ANO10: variants seen among roughly 807,000 people sequenced by gnomAD.
The protein encoded by ANO10 is anoctamin-10.
Under a neutral mutation model 74.7 loss-of-function variants are expected in ANO10, and 77 were observed. That is an observed-to-expected ratio of 1.03 (90% CI 0.86 to 1.25). The LOEUF (loss-of-function observed/expected upper bound fraction) is 1.25. ANO10 is among the 50% of genes most tolerant of loss of function. ANO10 has a pLI of 0.00. For missense variants in ANO10, 721 were observed against 778.1 expected (o/e 0.93, Z 0.87); for synonymous variants, 279 against 284.9 (o/e 0.98, Z 0.21).
At chr3:43,376,796 T>C (rs1257458588) in intron 12 of ANO10, among the ~76,000 whole-genome samples, 1 of 152,240 alleles carries the variant, frequency 6.6e-6, no homozygotes, top group Admixed American at 6.5e-5. Flanking sequence ...CTAGTTTCAC[T>C]GTAACTAGAT....
At chr3:43,553,499 G>A (rs1407817305) in intron 10 of ANO10, among the ~76,000 whole-genome samples, 1 of 151,098 alleles carries the variant, frequency 6.6e-6, no homozygotes, top group East Asian at 1.9e-4. Flanking sequence ...TGTGCTTACA[G>A]AATATTTTCT....
rs367784953 is a variant in ANO10 at position 43,565,732 on chromosome 3, CAAAAAAAA to C, written c.1219-13_1219-6del. On this transcript the variant is annotated splice_region_variant and splice_polypyrimidine_tract_variant and intron_variant, in intron 7 of 12. Transcript: ENST00000292246. ...AAAGCAATTGAGGAAGTTGAACTGC[CAAAAAAAA>C]AAAAAAAAAAGATAAGTGTTAAGCA... 3.1e-6 allele frequency: 4 copies of C among 1,276,112 alleles called. No individual in the cohort carries two copies. The highest frequency in any genetic ancestry group is 4.1e-6 in the Non-Finnish European group (4 of 973,714). 79.0% of individuals were successfully genotyped at this position (1,276,112 alleles called of 1,614,324 possible). A position where few individuals can be genotyped will look rare whatever the true frequency, so the allele number is the denominator to read the frequency against.
chr3:43,444,789 G>A (rs1012107830), intron 11 of ANO10, among the ~76,000 whole-genome samples: 5 of 152,110 alleles, frequency 3.3e-5, no homozygotes, highest in African/African-American at 1.2e-4. Flanking sequence ...CTAAATATAT[G>A]TCAGAGTTAG....
In ANO10 at chr3:43,414,087, T is replaced by C. The variant is rs116202298; in HGVS notation, c.1914+18524A>G. Among the ~76,000 whole-genome samples the C allele has an allele frequency of 2.9e-3, 447 of 152,164 alleles. 2 individuals are homozygous for C. Among genetic ancestry groups the C allele is most frequent in the African/African-American group, 0.01 (429 of 41,518 alleles). Reference sequence around the variant, plus strand: ...TAGAACCACCAGAATAAAGAAAGGATGCATGAGCACCAGCAAAGATAAACA... The same window carrying C: ...TAGAACCACCAGAATAAAGAAAGGACGCATGAGCACCAGCAAAGATAAACA... On this transcript the variant is annotated intron_variant, in intron 12 of 12. Transcript: ENST00000292246.
chr3:43,371,964 A>G (rs2091627317), intron 12 of ANO10, among the ~76,000 whole-genome samples: 1 of 152,238 alleles, frequency 6.6e-6, no homozygotes, highest in Non-Finnish European at 1.5e-5. Flanking sequence ...ATAAGGCTCT[A>G]AACAGCCACG....
intron 12 of ANO10, among the ~76,000 whole-genome samples, chr3:43,394,514 C>T (rs921234988): frequency 6.6e-6 from 1 of 152,150 alleles, no homozygotes; most frequent in African/African-American, 2.4e-5. Flanking sequence ...TGTTTAATCT[C>T]CTCTAAAGAG....
chr3:43,378,829 G>A (rs969888528), intron 12 of ANO10, among the ~76,000 whole-genome samples: 1 of 152,050 alleles, frequency 6.6e-6, no homozygotes, highest in Non-Finnish European at 1.5e-5. Context: ...TTTTGTGTAG[G>A]AACAACACAG....
chr3:43,448,675 T>C (rs1461876695), intron 11 of ANO10, among the ~76,000 whole-genome samples: 1 of 152,224 alleles, frequency 6.6e-6, no homozygotes, highest in African/African-American at 2.4e-5. Flanking sequence ...GGTTTGTGTA[T>C]GGACATAAGT....
At chr3:43,454,149 G>A (rs1261685330) in intron 11 of ANO10, among the ~76,000 whole-genome samples, 1 of 152,194 alleles carries the variant, frequency 6.6e-6, no homozygotes, top group African/African-American at 2.4e-5. Flanking sequence ...GTTGGGTCAG[G>A]GGAAAGGCAA....
At chr3:43,587,252 T>C (rs2081520703) in intron 4 of ANO10, among the ~76,000 whole-genome samples, 2 of 152,060 alleles carry the variant, frequency 1.3e-5, no homozygotes, top group South Asian at 4.1e-4. Context: ...AAAGTACCTA[T>C]AACATATGCC....
At chr3:43,427,958 G>A (rs2092922360) in intron 12 of ANO10, among the ~76,000 whole-genome samples, 1 of 152,118 alleles carries the variant, frequency 6.6e-6, no homozygotes, top group African/African-American at 2.4e-5. Flanking sequence ...GGTGGCCCAT[G>A]TAGCAGTGTC....
intron 7 of ANO10, among the ~76,000 whole-genome samples, chr3:43,573,807 C>CA (rs1175306155): frequency 2.0e-5 from 3 of 151,934 alleles, no homozygotes; most frequent in African/African-American, 4.8e-5. Flanking sequence ...GGAAATCTAA[C>CA]AAAAAAAATT....
chr3:43,529,936 A>T (rs1161019316), intron 11 of ANO10, among the ~76,000 whole-genome samples: 1 of 152,190 alleles, frequency 6.6e-6, no homozygotes, highest in Non-Finnish European at 1.5e-5. Context: ...CATATTCTGC[A>T]TCTCAATTAA....
chr3:43,367,039 T>C, intron 12 of ANO10, 65 bp from the exon 13 acceptor site: 2 of 1,482,944 alleles, frequency 1.3e-6, no homozygotes, highest in Non-Finnish European at 9.2e-7. Flanking sequence ...AGGCCTCTGC[T>C]CTCTGTGGAA....
chr3:43,587,759 T>A (rs796550470), intron 4 of ANO10, among the ~76,000 whole-genome samples: 1 of 151,706 alleles, frequency 6.6e-6, no homozygotes, highest in South Asian at 2.1e-4. Context: ...CACAGTAATA[T>A]CCTCAATATT....
chr3:43,546,477 A>T (rs1272179882), intron 11 of ANO10, among the ~76,000 whole-genome samples: 2 of 152,232 alleles, frequency 1.3e-5, no homozygotes, highest in African/African-American at 4.8e-5. Flanking sequence ...AACTTTGCAT[A>T]TACAGTCAAA....
chr3:43,558,777 T>C (rs933030082), intron 9 of ANO10, among the ~76,000 whole-genome samples: 2 of 152,154 alleles, frequency 1.3e-5, no homozygotes, highest in Non-Finnish European at 2.9e-5. Flanking sequence ...GATCCAAAAG[T>C]ATCCCCGCCT....
chr3:43,372,778 T>C lies in ANO10; in HGVS notation c.1915-5804A>G, dbSNP rs1025765497. ...GGCCATGACTAGACCCCAGGACCTA[T>C]GACAGTGCCTGGCACTGAGTTGGTG... On this transcript the variant is annotated intron_variant, in intron 12 of 12. Transcript: ENST00000292246. The C allele has an allele frequency of 5.5e-6, 8 of 1,450,764 alleles. No individual in the cohort carries two copies. In the African/African-American group the frequency reaches 8.4e-5, roughly 15 times the overall value. The allele number at this position is 1,450,764 out of a possible 1,614,324, so 89.9% of individuals were successfully genotyped here. A position where few individuals can be genotyped will look rare whatever the true frequency, so the allele number is the denominator to read the frequency against.
chr3:43,681,397 C>A (rs2149582139), intron 1 of ANO10, among the ~76,000 whole-genome samples: 1 of 152,250 alleles, frequency 6.6e-6, no homozygotes, highest in African/African-American at 2.4e-5. Flanking sequence ...AATATATATG[C>A]ACCCAATACA....
Sources: gnomAD v4.1 joint callset for allele counts (sites outside exome capture counted in the v4.1 genomes callset) on GRCh38, gnomAD v4.1.1 for gene constraint, MANE v1.5 for transcripts, NCBI Gene and HGNC (gene_info 2026-07-23, HGNC 2026-07-21) for gene names.